SEC61A1: variants seen among roughly 807,000 people sequenced by gnomAD.
SEC61A1 encodes protein transport protein Sec61 subunit alpha isoform 1.
A neutral mutation model predicts 55.2 loss-of-function variants in SEC61A1; 15 were observed. The observed-to-expected ratio is 0.27, with a 90% confidence interval of 0.18 to 0.42. SEC61A1 has a LOEUF of 0.42. Ranked by LOEUF, SEC61A1 falls within the 10% of genes least tolerant of loss-of-function variation. The pLI is 1.00. For missense variants in SEC61A1, 284 were observed against 602.6 expected, an observed-to-expected ratio of 0.47 and a Z score of 5.53; for synonymous variants, 247 against 234.0, an observed-to-expected ratio of 1.06 and a Z score of -0.51.
intron 5 of SEC61A1, among the ~76,000 whole-genome samples, chr3:128,058,634 G>A (rs1387335855): frequency 6.6e-6 from 1 of 152,202 alleles, no homozygotes; most frequent in African/African-American, 2.4e-5. Context: ...GCCAAGGCAG[G>A]ATGATTGCTT....
At chr3:128,066,900 G>T (rs529970324) in intron 8 of SEC61A1, 54 bp from the exon 9 acceptor site, 1 of 1,574,698 alleles carries the variant, frequency 6.4e-7, no homozygotes, top group African/African-American at 1.3e-5. Context: ...GTGTTTCTGT[G>T]CAGCAGGCTG....
At position 128,067,596 on chromosome 3, in the gene SEC61A1, G is replaced by T; in HGVS notation, c.1151G>T (p.Gly384Val). The T allele has an allele frequency of 6.2e-7, 1 of 1,611,180 alleles. No homozygotes were observed. Among genetic ancestry groups the T allele is most frequent in the Non-Finnish European group, 8.5e-7 (1 of 1,178,540 alleles). The part of the protein sequence containing the change: ...FFSKTWIEVS[G>V]SSAKDVAKQL... ...TCCAAAACGTGGATTGAGGTCTCAGGTTCCTCTGCCAAAGATGTAAGTAGA... is the reference window on the plus strand; with the variant it reads ...TCCAAAACGTGGATTGAGGTCTCAGTTTCCTCTGCCAAAGATGTAAGTAGA... Residue 384 changes from glycine to valine, a missense_variant, in exon 10 of 12, where the codon GGT becomes GTT. Transcript: ENST00000243253. This position sits in a 1 kb window ranked among gnomAD's most constrained non-coding sequence, Gnocchi z 4.1.
intron 8 of SEC61A1, among the ~76,000 whole-genome samples, chr3:128,065,677 A>G (rs1941951199): frequency 1.3e-5 from 2 of 152,124 alleles, no homozygotes; most frequent in Non-Finnish European, 2.9e-5. Flanking sequence ...TTCTTGCTTA[A>G]TAAAAAGCTA....
At chr3:128,059,644 C>T (rs914462303) in intron 5 of SEC61A1, among the ~76,000 whole-genome samples, 7 of 152,108 alleles carry the variant, frequency 4.6e-5, no homozygotes, top group Non-Finnish European at 1.0e-4. Context: ...TGGACCCAGA[C>T]CTGGATGGTG....
chr3:128,052,382 C>G (rs1941696336), upstream of SEC61A1: 3 of 1,143,630 alleles, frequency 2.6e-6, no homozygotes, highest in Non-Finnish European at 1.1e-6. Context: ...GATCCGAGGC[C>G]CGGCCCCGGC....
intron 8 of SEC61A1, chr3:128,066,715 C>A (rs576432969): frequency 2.9e-5 from 16 of 557,244 alleles, no homozygotes; most frequent in Admixed American, 9.8e-5. Context: ...TAAGTCACCA[C>A]GCCTAGCCTT....
chr3:128,065,749 T>TTTC (rs1445485927), intron 8 of SEC61A1, among the ~76,000 whole-genome samples: 1 of 145,686 alleles, frequency 6.9e-6, no homozygotes, highest in East Asian at 2.0e-4. Context: ...TTTTTTTTTT[T>TTTC]TTTTTGAGAC....
rs1165400180 is a variant in SEC61A1 at position 128,067,328 on chromosome 3, A to G, written c.976-93A>G. Reference sequence around the variant, plus strand: ...AATTGTACTGTGGGCACCGAGTAAAATTGCATTCTTTCATCTGCTCAGAAC... The same window carrying G: ...AATTGTACTGTGGGCACCGAGTAAAGTTGCATTCTTTCATCTGCTCAGAAC... On this transcript the variant is annotated intron_variant, in intron 9 of 11. Transcript: ENST00000243253. This position sits in a 1 kb window ranked among gnomAD's most constrained non-coding sequence, Gnocchi z 4.1. 7.1e-7 allele frequency: 1 copy of G among 1,403,928 alleles called. No individual in the cohort carries two copies. The highest frequency in any genetic ancestry group is 1.4e-5 in the African/African-American group (1 of 69,678). 87.0% of individuals were successfully genotyped at this position (1,403,928 alleles called of 1,614,324 possible).
chr3:128,069,649 C>T lies in SEC61A1; in HGVS notation c.1418C>T (p.Ala473Val). ...KEQSEVGSMGALLF is the reference protein window; with the variant it reads ...KEQSEVGSMGVLLF ...CAAAGCGAGGTTGGCAGCATGGGGG[C>T]CCTGCTCTTCTGAGCCCGTCTCCCG... Residue 473 changes from alanine to valine, a missense_variant, in exon 12 of 12, where the codon GCC becomes GTC. Coordinates refer to ENST00000243253, the MANE Select transcript of SEC61A1 (RefSeq NM_013336.4). The T allele has an allele frequency of 6.2e-7, 1 of 1,614,030 alleles. No homozygotes were observed. Among genetic ancestry groups the T allele is most frequent in the Non-Finnish European group, 8.5e-7 (1 of 1,179,988 alleles).
intron 5 of SEC61A1, among the ~76,000 whole-genome samples, chr3:128,059,747 A>G (rs1941827201): frequency 1.3e-5 from 2 of 152,028 alleles, no homozygotes; most frequent in South Asian, 4.2e-4. Context: ...CAGGTGTGAC[A>G]TCTCCAGATT....
Position 128,067,694 on chromosome 3 carries a change from T to A in SEC61A1, c.1167+82T>A. 8.7e-7 allele frequency: 1 copy of A among 1,147,158 alleles called. No homozygotes were observed. Among genetic ancestry groups the A allele is most frequent in the Non-Finnish European group, 1.3e-6 (1 of 794,908 alleles). The allele number at this position is 1,147,158 out of a possible 1,614,324, so 71.1% of individuals were successfully genotyped here. A position where few individuals can be genotyped will look rare whatever the true frequency, so the allele number is the denominator to read the frequency against. ...TGTGGACTTGTCACCTCATCATAAATAATGGTCTGTGACGTGTGCAGATAG... is the reference window on the plus strand; with the variant it reads ...TGTGGACTTGTCACCTCATCATAAAAAATGGTCTGTGACGTGTGCAGATAG... On this transcript the variant is annotated intron_variant, in intron 10 of 11. Transcript: ENST00000243253. The surrounding 1 kb of genome is among the most constrained non-coding windows in gnomAD (Gnocchi z 4.1).
intron 4 of SEC61A1, among the ~76,000 whole-genome samples, 169 bp from the exon 5 acceptor site, chr3:128,056,540 A>G (rs1189271812): frequency 1.3e-5 from 2 of 152,260 alleles, no homozygotes; most frequent in Non-Finnish European, 2.9e-5. Flanking sequence ...GAATTGAATT[A>G]TATACTAATC....
intron 2 of SEC61A1, among the ~76,000 whole-genome samples, chr3:128,054,824 T>C (rs1941748274): frequency 6.6e-6 from 1 of 152,230 alleles, no homozygotes; most frequent in Non-Finnish European, 1.5e-5. Flanking sequence ...TACTCTTTAG[T>C]GACAGAGGTT....
intron 8 of SEC61A1, among the ~76,000 whole-genome samples, chr3:128,065,613 G>GTATT (rs1370898817): frequency 6.6e-6 from 1 of 152,030 alleles, no homozygotes; most frequent in African/African-American, 2.4e-5. Flanking sequence ...TTTGTGAAAG[G>GTATT]TATTTATACG....
intron 8 of SEC61A1, among the ~76,000 whole-genome samples, chr3:128,065,877 G>A (rs1299770641): frequency 6.6e-6 from 1 of 151,530 alleles, no homozygotes; most frequent in African/African-American, 2.4e-5. Flanking sequence ...GAGTAGATGG[G>A]ATTACAGGTG....
chr3:128,066,591 T>G, intron 8 of SEC61A1: 3 of 228,748 alleles, frequency 1.3e-5, no homozygotes, highest in Non-Finnish European at 2.6e-5. Flanking sequence ...CCCGGCCAGT[T>G]TTGTTTATTT....
intron 5 of SEC61A1, among the ~76,000 whole-genome samples, chr3:128,059,857 G>C (rs2107644072): frequency 6.6e-6 from 1 of 152,260 alleles, no homozygotes; most frequent in Middle Eastern, 3.4e-3. Flanking sequence ...TGACTAAAAA[G>C]CAAGTGAATC....
chr3:128,065,110 C>T (rs1226411156), intron 8 of SEC61A1, 73 bp downstream of exon 8: 2 of 1,472,300 alleles, frequency 1.4e-6, no homozygotes, highest in Non-Finnish European at 1.9e-6. Context: ...TGTGCAGTCC[C>T]CCACTCTGTG....
At position 128,067,831 on chromosome 3, in the gene SEC61A1, T is replaced by C; in HGVS notation, c.1168-152T>C. 1 of 730,940 alleles carries C rather than the reference T, an allele frequency of 1.4e-6. No homozygotes were observed. The highest frequency in any genetic ancestry group is 2.3e-5 in the Admixed American group (1 of 43,672). The allele number at this position is 730,940 out of a possible 1,614,324, so 45.3% of individuals were successfully genotyped here. A position where few individuals can be genotyped will look rare whatever the true frequency, so the allele number is the denominator to read the frequency against. On this transcript the variant is annotated intron_variant, in intron 10 of 11. Coordinates refer to ENST00000243253, the MANE Select transcript of SEC61A1 (RefSeq NM_013336.4). This position sits in a 1 kb window ranked among gnomAD's most constrained non-coding sequence, Gnocchi z 4.1. ...GAATCCACACTGTAAAGTTAGACTT[T>C]TTCATATGACTTCCTTGCGGCAGTT...
Sources: allele counts gnomAD v4.1 joint callset (sites outside exome capture counted in the v4.1 genomes callset), GRCh38; gene constraint gnomAD v4.1.1; non-coding constraint Gnocchi (gnomAD v3.1); transcripts MANE v1.5; gene names NCBI Gene and HGNC (gene_info 2026-07-23, HGNC 2026-07-21).